SPMIP2: variants seen among roughly 807,000 people sequenced by gnomAD.
The protein encoded by SPMIP2 is sperm microtubule inner protein 2.
At chr4:159,002,794 A>G in the SPMIP2 span, among the ~76,000 whole-genome samples, 1 of 151,656 alleles carries the variant, frequency 6.6e-6, no homozygotes, top group African/African-American at 2.4e-5. Context: ...ACACACACAC[A>G]CGCAGTGTTG....
the SPMIP2 span, among the ~76,000 whole-genome samples, chr4:159,025,263 C>A: frequency 6.6e-6 from 1 of 152,206 alleles, no homozygotes; most frequent in African/African-American, 2.4e-5. Flanking sequence ...CCCCTGGGTT[C>A]AAGCAATTCT....
At chr4:158,935,575 GTC>G in the SPMIP2 span, among the ~76,000 whole-genome samples, 3 of 152,316 alleles carry the variant, frequency 2.0e-5, no homozygotes, top group South Asian at 6.2e-4. Context: ...AAAAAAAAGT[GTC>G]TGTCTCTGGT....
chr4:158,998,576 T>G, the SPMIP2 span, among the ~76,000 whole-genome samples: 1 of 152,180 alleles, frequency 6.6e-6, no homozygotes, highest in Non-Finnish European at 1.5e-5. Flanking sequence ...GGTTTTCTTA[T>G]TATTAGAGTT....
chr4:158,987,018 A>G, the SPMIP2 span, among the ~76,000 whole-genome samples: 1 of 139,856 alleles, frequency 7.2e-6, no homozygotes, highest in Non-Finnish European at 1.5e-5. Context: ...GCAGCCAAAA[A>G]ACACATGAAA....
the SPMIP2 span, among the ~76,000 whole-genome samples, chr4:159,063,622 T>C: frequency 6.6e-6 from 1 of 152,064 alleles, no homozygotes; most frequent in Non-Finnish European, 1.5e-5. Flanking sequence ...TCCTTGGCTC[T>C]TTTCATTGAG....
At chr4:158,965,296 T>C in the SPMIP2 span, among the ~76,000 whole-genome samples, 1 of 152,114 alleles carries the variant, frequency 6.6e-6, no homozygotes, top group South Asian at 2.1e-4. Flanking sequence ...TTCTTGGGAA[T>C]TGTTATGATT....
the SPMIP2 span, among the ~76,000 whole-genome samples, chr4:158,946,849 T>G: frequency 6.6e-6 from 1 of 152,230 alleles, no homozygotes; most frequent in South Asian, 2.1e-4. Context: ...AGGAACTGTG[T>G]CTGTCTTGTT....
At chr4:158,993,997 A>G in the SPMIP2 span, among the ~76,000 whole-genome samples, 1 of 152,214 alleles carries the variant, frequency 6.6e-6, no homozygotes, top group East Asian at 1.9e-4. Context: ...ACCGAACACT[A>G]TGAGGCTTAT....
the SPMIP2 span, among the ~76,000 whole-genome samples, chr4:158,918,439 G>A: frequency 2.0e-5 from 3 of 152,240 alleles, no homozygotes; most frequent in Non-Finnish European, 4.4e-5. Context: ...GTAAGCAACA[G>A]ATAGTGCTTA....
the SPMIP2 span, among the ~76,000 whole-genome samples, chr4:159,067,093 G>A: frequency 3.3e-5 from 5 of 152,152 alleles, no homozygotes; most frequent in East Asian, 9.6e-4. Flanking sequence ...CTGAGAGCCA[G>A]CAGACATGGG....
At chr4:159,069,853 T>C in the SPMIP2 span, among the ~76,000 whole-genome samples, 1 of 152,142 alleles carries the variant, frequency 6.6e-6, no homozygotes, top group African/African-American at 2.4e-5. Flanking sequence ...GTCTCTATTT[T>C]GTTAGACTCT....
chr4:158,973,065 T>A, the SPMIP2 span: 1 of 1,468,116 alleles, frequency 6.8e-7, no homozygotes. Flanking sequence ...AAAGCATAAA[T>A]TTAAGAGCAA....
chr4:158,948,082 G>A, the SPMIP2 span, among the ~76,000 whole-genome samples: 3 of 151,950 alleles, frequency 2.0e-5, no homozygotes, highest in East Asian at 1.9e-4. Context: ...ACTTATACTC[G>A]ATAAAGCTCC....
At chr4:159,077,633 A>G in the SPMIP2 span, among the ~76,000 whole-genome samples, 1 of 152,214 alleles carries the variant, frequency 6.6e-6, no homozygotes, top group Non-Finnish European at 1.5e-5. Flanking sequence ...TTTCTTTTAC[A>G]CTTTTAAAAT....
At chr4:158,935,008 G>T in the SPMIP2 span, among the ~76,000 whole-genome samples, 53 of 152,234 alleles carry the variant, frequency 3.5e-4, no homozygotes, top group Non-Finnish European at 5.9e-4. Flanking sequence ...CTTCCTTAAA[G>T]AATTTAAAAG....
chr4:158,923,373 A>C, the SPMIP2 span, among the ~76,000 whole-genome samples: 1 of 152,274 alleles, frequency 6.6e-6, no homozygotes, highest in East Asian at 1.9e-4. Flanking sequence ...TAGTTAATGC[A>C]TATGTATTTC....
chr4:158,923,245 T>G, the SPMIP2 span, among the ~76,000 whole-genome samples: 1 of 152,216 alleles, frequency 6.6e-6, no homozygotes, highest in Non-Finnish European at 1.5e-5. Flanking sequence ...GGATCCCTTA[T>G]ATTTCCATTT....
chr4:159,015,586 T>G, the SPMIP2 span, among the ~76,000 whole-genome samples: 1 of 152,212 alleles, frequency 6.6e-6, no homozygotes, highest in Non-Finnish European at 1.5e-5. Flanking sequence ...TTTCAAGATT[T>G]ACTAGATCAA....
the SPMIP2 span, among the ~76,000 whole-genome samples, chr4:158,979,803 T>TTTTA: frequency 3.9e-4 from 58 of 147,646 alleles, no homozygotes; most frequent in African/African-American, 1.4e-3. Flanking sequence ...TTTTTTTTTT[T>TTTTA]TTTTTTTTTT....
Sources: allele counts gnomAD v4.1 joint callset (sites outside exome capture counted in the v4.1 genomes callset), GRCh38; gene constraint gnomAD v4.1.1; transcripts MANE v1.5; gene names NCBI Gene and HGNC (gene_info 2026-07-23, HGNC 2026-07-21).